HIBADH: variants seen among roughly 807,000 people sequenced by gnomAD.
HIBADH encodes the protein 3-hydroxyisobutyrate dehydrogenase, mitochondrial.
A neutral mutation model predicts 36.1 loss-of-function variants in HIBADH; 25 were observed. The observed-to-expected ratio is 0.69, with a 90% CI of 0.50 to 0.97. The LOEUF (loss-of-function observed/expected upper bound fraction) is 0.97, where lower values mean the gene tolerates loss of function less well. HIBADH is among the 50% of genes least tolerant of loss of function. HIBADH has a pLI of 0.00. For synonymous variants in HIBADH, 160 were observed against 149.5 expected, an observed-to-expected ratio of 1.07 and a Z score of -0.51; for missense variants, 421 against 418.0, an observed-to-expected ratio of 1.01 and a Z score of -0.06.
At chr7:27,660,284 T>G (rs1786389208) in intron 1 of HIBADH, among the ~76,000 whole-genome samples, 1 of 152,268 alleles carries the variant, frequency 6.6e-6, no homozygotes, top group African/African-American at 2.4e-5. Context: ...AGGCAGATTT[T>G]TTTCTACTCT....
chr7:27,593,374 G>GT (rs1390174583), intron 4 of HIBADH, among the ~76,000 whole-genome samples: 3 of 152,254 alleles, frequency 2.0e-5, no homozygotes, highest in African/African-American at 7.2e-5. Flanking sequence ...CCCCCAGACT[G>GT]TAAGTTCCAA....
chr7:27,599,947 GA>G lies in HIBADH; in HGVS notation c.484+29423del, dbSNP rs369651069. 2.7e-4 allele frequency among the ~76,000 whole-genome samples: 41 copies of G among 149,272 alleles called. 1 individual carries two copies. Among genetic ancestry groups the G allele is most frequent in the African/African-American group, 6.6e-4 (27 of 40,722 alleles). ...TATATCACATTTTTGTTGCCAATGGGAAAAAAAAATCAAAGTTTAAGTTACT... is the reference window on the plus strand; with the variant it reads ...TATATCACATTTTTGTTGCCAATGGGAAAAAAAATCAAAGTTTAAGTTACT... On this transcript the variant is annotated intron_variant, in intron 4 of 7. Coordinates refer to ENST00000265395, the MANE Select transcript of HIBADH (RefSeq NM_152740.4).
intron 4 of HIBADH, among the ~76,000 whole-genome samples, chr7:27,614,727 C>G (rs913786947): frequency 1.3e-5 from 2 of 152,182 alleles, no homozygotes; most frequent in Admixed American, 6.5e-5. Context: ...CAGATCTTAT[C>G]CCATTAAACT....
At chr7:27,649,762 G>A (rs1215774473) in intron 1 of HIBADH, 129 bp from the exon 2 acceptor site, 10 of 776,174 alleles carry the variant, frequency 1.3e-5, no homozygotes, top group Non-Finnish European at 1.7e-5. Context: ...ACCAGGTGCA[G>A]TGGTGCACAC....
chr7:27,658,211 C>T (rs546542814), intron 1 of HIBADH, among the ~76,000 whole-genome samples: 1 of 152,318 alleles, frequency 6.6e-6, no homozygotes, highest in East Asian at 1.9e-4. Flanking sequence ...GCCCTAAAAA[C>T]TCTCAAACCT....
chr7:27,530,803 C>T (rs1487670453), intron 7 of HIBADH, among the ~76,000 whole-genome samples: 2 of 152,112 alleles, frequency 1.3e-5, no homozygotes, highest in Non-Finnish European at 2.9e-5. Flanking sequence ...CTTCGTGATG[C>T]ATATATGCAC....
At chr7:27,616,215 G>T (rs549294738) in intron 4 of HIBADH, among the ~76,000 whole-genome samples, 2 of 152,202 alleles carry the variant, frequency 1.3e-5, no homozygotes, top group African/African-American at 4.8e-5. Context: ...GATATTGTGG[G>T]AATTAAGACT....
intron 5 of HIBADH, among the ~76,000 whole-genome samples, chr7:27,541,490 G>T (rs1288987731): frequency 6.6e-6 from 1 of 152,144 alleles, no homozygotes; most frequent in Non-Finnish European, 1.5e-5. Flanking sequence ...AAGATGTTCT[G>T]CAAAAAGTGC....
At chr7:27,540,098 T>C (rs1784126849) in intron 5 of HIBADH, among the ~76,000 whole-genome samples, 1 of 152,184 alleles carries the variant, frequency 6.6e-6, no homozygotes, top group Non-Finnish European at 1.5e-5. Flanking sequence ...TTGTAATTTC[T>C]ATCTGATGTT....
rs753401528 is a variant in HIBADH, at chr7:27,565,335, G to A, written c.485-22235C>T. On this transcript the variant is annotated intron_variant, in intron 4 of 7. Coordinates refer to ENST00000265395, the MANE Select transcript of HIBADH (RefSeq NM_152740.4). The stretch of plus-strand genomic sequence containing the variant: ...GATCGACCCTGATGCATCCCCATAT[G>A]GCCTTGTGTGGTGTGACACGGCCCC... 4.3e-4 allele frequency among the ~76,000 whole-genome samples: 66 copies of A among 152,110 alleles called. 2 individuals carry two copies. Among genetic ancestry groups the A allele is most frequent in the Non-Finnish European group, 8.8e-5 (6 of 68,022 alleles).
intron 1 of HIBADH, among the ~76,000 whole-genome samples, chr7:27,659,976 A>C (rs1284903072): frequency 6.6e-6 from 1 of 152,188 alleles, no homozygotes; most frequent in Non-Finnish European, 1.5e-5. Flanking sequence ...AGATCACTTG[A>C]GTACAGGAGT....
chr7:27,526,111 G>T lies in HIBADH; in HGVS notation c.*103C>A. ...ACTGTGACCTAGACAATCAAAAGCA[G>T]ATAGGTGACCTTTGATTAAATCCAT... On this transcript the variant is annotated 3_prime_UTR_variant, in exon 8 of 8. Transcript: ENST00000265395. 1.1e-6 allele frequency: 1 copy of T among 934,172 alleles called. No individual in the cohort carries two copies. The highest frequency in any genetic ancestry group is 1.5e-6 in the Non-Finnish European group (1 of 663,792). The allele number at this position is 934,172 out of a possible 1,614,324, so 57.9% of individuals were successfully genotyped here. A position where few individuals can be genotyped will look rare whatever the true frequency, so the allele number is the denominator to read the frequency against.
chr7:27,639,202 T>C (rs913007891), intron 2 of HIBADH, among the ~76,000 whole-genome samples: 2 of 152,146 alleles, frequency 1.3e-5, no homozygotes, highest in Admixed American at 6.5e-5. Context: ...TGCCCATCAA[T>C]GGTAGACTGA....
intron 2 of HIBADH, among the ~76,000 whole-genome samples, chr7:27,634,374 A>G (rs1422948947): frequency 6.6e-6 from 1 of 152,182 alleles, no homozygotes; most frequent in East Asian, 1.9e-4. Context: ...TAAGCGCTTA[A>G]GTTGCATGAA....
intron 3 of HIBADH, among the ~76,000 whole-genome samples, chr7:27,631,330 T>C (rs187168316): frequency 1.3e-5 from 2 of 152,346 alleles, no homozygotes; most frequent in East Asian, 1.9e-4. Context: ...ATTTATCTTA[T>C]CAGTTTTCTG....
intron 4 of HIBADH, among the ~76,000 whole-genome samples, chr7:27,621,388 G>A (rs1427850911): frequency 2.0e-5 from 3 of 152,180 alleles, no homozygotes; most frequent in Non-Finnish European, 2.9e-5. Flanking sequence ...GACATTTACA[G>A]CACATTTTAT....
Position 27,662,328 on chromosome 7 carries a change from G to A in HIBADH, c.91+370C>T, listed in dbSNP as rs76565017. On this transcript the variant is annotated intron_variant, in intron 1 of 7. Transcript: ENST00000265395. ...CTGAAAGACCAGGGGTCGCTGGGGTGAGTGCGGGTTGCTCCTGGAGTTGGG... is the reference window on the plus strand; with the variant it reads ...CTGAAAGACCAGGGGTCGCTGGGGTAAGTGCGGGTTGCTCCTGGAGTTGGG... Among the ~76,000 whole-genome samples the A allele has an allele frequency of 2.6e-3, 392 of 152,238 alleles. 4 individuals carry two copies. The highest frequency in any genetic ancestry group is 3.0e-3 in the Non-Finnish European group (201 of 68,010).
intron 4 of HIBADH, among the ~76,000 whole-genome samples, chr7:27,555,098 G>C (rs1784372645): frequency 1.3e-5 from 2 of 152,112 alleles, no homozygotes; most frequent in Admixed American, 6.6e-5. Flanking sequence ...TTATTGAGCA[G>C]AAAAACACTC....
At chr7:27,569,954 A>C (rs1282160486) in intron 4 of HIBADH, among the ~76,000 whole-genome samples, 1 of 152,088 alleles carries the variant, frequency 6.6e-6, no homozygotes, top group Non-Finnish European at 1.5e-5. Flanking sequence ...CATTTCTTCC[A>C]CTTTCTCTGT....
Sources: allele counts gnomAD v4.1 joint callset (sites outside exome capture counted in the v4.1 genomes callset), GRCh38; gene constraint gnomAD v4.1.1; transcripts MANE v1.5; gene names NCBI Gene and HGNC (gene_info 2026-07-23, HGNC 2026-07-21).